DRC12: variants seen among roughly 807,000 people sequenced by gnomAD.
DRC12 encodes the protein dynein regulatory complex subunit 12 homolog, also known as dynein regulatory complex protein 12.
At chr11:119,195,321 C>T in the DRC12 span, 2 of 1,073,932 alleles carry the variant, frequency 1.9e-6, no homozygotes, top group Non-Finnish European at 2.8e-6. Flanking sequence ...AAGAGAGCTC[C>T]ATCCTGTCCT....
the DRC12 span, chr11:119,195,311 A>G: frequency 3.3e-5 from 33 of 990,206 alleles, no homozygotes; most frequent in Non-Finnish European, 5.0e-5. Flanking sequence ...GAGGTAGGTC[A>G]AGAGAGCTCC....
the DRC12 span, among the ~76,000 whole-genome samples, chr11:119,191,160 C>T: frequency 6.5e-3 from 978 of 150,648 alleles, 9 homozygotes; most frequent in African/African-American, 0.022. Flanking sequence ...AGTGCAGTGG[C>T]GCGATCTCAG....
At chr11:119,191,015 A>G in the DRC12 span, among the ~76,000 whole-genome samples, 1 of 152,126 alleles carries the variant, frequency 6.6e-6, no homozygotes, top group Non-Finnish European at 1.5e-5. Flanking sequence ...TATAGCAGAG[A>G]GTGGCGGGCT....
At chr11:119,195,518 C>T in the DRC12 span, 1 of 1,523,912 alleles carries the variant, frequency 6.6e-7, no homozygotes, top group Non-Finnish European at 8.9e-7. Flanking sequence ...AGGAGGGGAC[C>T]TTATGTTTAG....
chr11:119,194,876 T>C, the DRC12 span: 2 of 1,330,628 alleles, frequency 1.5e-6, no homozygotes, highest in Admixed American at 4.3e-5. Flanking sequence ...AAATGCCCCA[T>C]TTCACTTCCC....
chr11:119,193,321 G>A, the DRC12 span: 5 of 1,241,532 alleles, frequency 4.0e-6, no homozygotes, highest in Non-Finnish European at 5.9e-6. Flanking sequence ...GTTGTGGGTG[G>A]GGAAGACTCT....
the DRC12 span, chr11:119,193,070 GA>G: frequency 1.6e-6 from 2 of 1,237,548 alleles, no homozygotes; most frequent in South Asian, 2.4e-5. Flanking sequence ...TTCTGGAGCA[GA>G]GACTTTGAAG....
At chr11:119,190,508 T>C in the DRC12 span, 4 of 1,606,726 alleles carry the variant, frequency 2.5e-6, no homozygotes, top group Non-Finnish European at 3.4e-6. The surrounding 1 kb of genome is among the most constrained non-coding windows in gnomAD (Gnocchi z 4.2). Flanking sequence ...GAGTGAGTGC[T>C]GCCCCAGGTT....
the DRC12 span, chr11:119,193,296 G>T: frequency 1.4e-6 from 2 of 1,477,336 alleles, no homozygotes; most frequent in Non-Finnish European, 1.9e-6. Flanking sequence ...TGGAGGGATG[G>T]AGAAAGGAAA....
the DRC12 span, chr11:119,193,052 C>T: frequency 6.7e-4 from 698 of 1,040,090 alleles, 7 homozygotes; most frequent in Admixed American, 9.2e-3. Context: ...AGAGCCCAGA[C>T]GGCAGCTTTC....
the DRC12 span, chr11:119,190,389 G>A: frequency 2.2e-5 from 36 of 1,613,786 alleles, no homozygotes; most frequent in African/African-American, 4.4e-4. This position sits in a 1 kb window ranked among gnomAD's most constrained non-coding sequence, Gnocchi z 4.2. Context: ...TGAAGTCTCA[G>A]TGCTGCCCCA....
chr11:119,195,115 T>G, the DRC12 span: 1 of 792,930 alleles, frequency 1.3e-6, no homozygotes, highest in Non-Finnish European at 2.1e-6. Flanking sequence ...CTAAATGAGG[T>G]ATCCACAGTG....
At chr11:119,190,947 C>T in the DRC12 span, 4 of 1,332,890 alleles carry the variant, frequency 3.0e-6, no homozygotes, top group Admixed American at 2.4e-5. This position sits in a 1 kb window ranked among gnomAD's most constrained non-coding sequence, Gnocchi z 4.2. Context: ...GTTCCAGACT[C>T]CCCCAGCATC....
At chr11:119,190,256 G>T in the DRC12 span, 1 of 1,608,122 alleles carries the variant, frequency 6.2e-7, no homozygotes, top group Non-Finnish European at 8.5e-7. The surrounding 1 kb of genome is among the most constrained non-coding windows in gnomAD (Gnocchi z 4.2). Context: ...CAGCTCTATT[G>T]AGTTCTACAT....
chr11:119,190,254 T>C, the DRC12 span: 474,222 of 1,606,082 alleles, frequency 0.3, 75,646 homozygotes, highest in South Asian at 0.58. The surrounding 1 kb of genome is among the most constrained non-coding windows in gnomAD (Gnocchi z 4.2). Flanking sequence ...CACAGCTCTA[T>C]TGAGTTCTAC....
chr11:119,194,713 C>A, the DRC12 span, among the ~76,000 whole-genome samples: 19 of 148,976 alleles, frequency 1.3e-4, no homozygotes, highest in South Asian at 4.3e-4. Flanking sequence ...TCAAAAAAAC[C>A]AAAAAAAACA....
the DRC12 span, among the ~76,000 whole-genome samples, chr11:119,192,255 G>T: frequency 6.6e-6 from 1 of 151,776 alleles, no homozygotes; most frequent in Non-Finnish European, 1.5e-5. Context: ...GGATTACAGG[G>T]GTGAGCCACC....
chr11:119,195,740 C>T, the DRC12 span: 9 of 462,560 alleles, frequency 1.9e-5, no homozygotes, highest in African/African-American at 4.1e-5. Flanking sequence ...TTTAGAGAAA[C>T]GAAATCCCTG....
chr11:119,191,271 C>T, the DRC12 span, among the ~76,000 whole-genome samples: 2 of 151,570 alleles, frequency 1.3e-5, no homozygotes, highest in African/African-American at 4.8e-5. Context: ...AGCTAATCTT[C>T]GAATTTTTAG....
Sources: gnomAD v4.1 joint callset for allele counts (sites outside exome capture counted in the v4.1 genomes callset) on GRCh38, gnomAD v4.1.1 for gene constraint, Gnocchi (gnomAD v3.1) non-coding constraint, MANE v1.5 for transcripts, NCBI Gene and HGNC (gene_info 2026-07-23, HGNC 2026-07-21) for gene names.